The following WFDC11 variants were observed in gnomAD, a reference collection of about 807,000 sequenced individuals.
WFDC11 encodes the protein WAP four-disulfide core domain 11.
A neutral mutation model predicts 9.9 loss-of-function variants in WFDC11; 9 were observed. That is an observed-to-expected ratio of 0.91 (90% CI 0.55 to 1.58). WFDC11 has a LOEUF of 1.58. WFDC11 is among the 40% of genes most tolerant of loss of function. The pLI is 0.00. For synonymous variants in WFDC11, 32 were observed against 33.3 expected, an observed-to-expected ratio of 0.96 and a Z score of 0.13; for missense variants, 106 against 101.7, an observed-to-expected ratio of 1.04 and a Z score of -0.18.
intron 2 of WFDC11, among the ~76,000 whole-genome samples, chr20:45,659,532 A>G (rs1261633245): frequency 6.6e-6 from 1 of 152,074 alleles, no homozygotes; most frequent in African/African-American, 2.4e-5. Flanking sequence ...GTCTGTTCAT[A>G]TCCTTCGCCT....
intron 2 of WFDC11, among the ~76,000 whole-genome samples, chr20:45,659,147 A>G (rs967468779): frequency 6.6e-6 from 1 of 152,230 alleles, no homozygotes; most frequent in Admixed American, 6.5e-5. Flanking sequence ...AGTCTTTGCT[A>G]TTGTAAATAG....
intron 1 of WFDC11, 117 bp downstream of exon 1, chr20:45,670,061 C>T (rs1478109924): frequency 6.6e-6 from 1 of 151,896 alleles, no homozygotes; most frequent in Non-Finnish European, 1.5e-5. Flanking sequence ...ACTAGAAAAC[C>T]TACACAAAAT....
intron 2 of WFDC11, among the ~76,000 whole-genome samples, chr20:45,661,261 GTTGT>G (rs1157956130): frequency 2.6e-5 from 4 of 151,514 alleles, no homozygotes; most frequent in African/African-American, 4.8e-5. Flanking sequence ...TTTTTATGGG[GTTGT>G]TTGTTTTTTT....
chr20:45,655,455 GA>G (rs1305259950), intron 2 of WFDC11, among the ~76,000 whole-genome samples: 2 of 152,176 alleles, frequency 1.3e-5, no homozygotes, highest in Non-Finnish European at 2.9e-5. Context: ...AGCTATCTAT[GA>G]CAAATGCACA....
At chr20:45,663,078 A>G in intron 2 of WFDC11, among the ~76,000 whole-genome samples, 1 of 152,102 alleles carries the variant, frequency 6.6e-6, no homozygotes, top group South Asian at 2.1e-4. Context: ...TAGGCTATTA[A>G]TTATTGCCTC....
intron 2 of WFDC11, among the ~76,000 whole-genome samples, chr20:45,656,070 T>C (rs1355683724): frequency 6.6e-6 from 1 of 152,124 alleles, no homozygotes; most frequent in Non-Finnish European, 1.5e-5. Context: ...CTTCACAGAA[T>C]TGGGAAAAAC....
intron 1 of WFDC11, among the ~76,000 whole-genome samples, chr20:45,668,505 C>A (rs1568665100): frequency 6.6e-6 from 1 of 151,982 alleles, no homozygotes; most frequent in Non-Finnish European, 1.5e-5. Context: ...AAAAAGATTT[C>A]TTTTCAAGAT....
chr20:45,660,521 C>T (rs890997315), intron 2 of WFDC11, among the ~76,000 whole-genome samples: 1 of 152,092 alleles, frequency 6.6e-6, no homozygotes, highest in African/African-American at 2.4e-5. Flanking sequence ...CCCATTCACT[C>T]GTCATTTAGC....
intron 2 of WFDC11, among the ~76,000 whole-genome samples, chr20:45,659,712 G>A (rs1267066719): frequency 6.6e-6 from 1 of 152,156 alleles, no homozygotes; most frequent in African/African-American, 2.4e-5. Context: ...AAGCTCTTTA[G>A]TTTAATTAGA....
At chr20:45,657,792 AT>A (rs1236388701) in intron 2 of WFDC11, among the ~76,000 whole-genome samples, 2 of 152,214 alleles carry the variant, frequency 1.3e-5, no homozygotes, top group African/African-American at 4.8e-5. Flanking sequence ...TTATTATAAA[AT>A]AAGCTTTGTG....
intron 2 of WFDC11, among the ~76,000 whole-genome samples, chr20:45,658,870 C>A (rs955034237): frequency 6.6e-5 from 10 of 151,824 alleles, no homozygotes; most frequent in African/African-American, 2.2e-4. Context: ...ATCCCTCCCC[C>A]ACATCCCCCG....
chr20:45,668,411 T>C (rs1983229633), intron 1 of WFDC11, among the ~76,000 whole-genome samples: 1 of 152,130 alleles, frequency 6.6e-6, no homozygotes, highest in South Asian at 2.1e-4. Flanking sequence ...CTTCCCACTT[T>C]ACAATATACT....
chr20:45,650,660 C>T lies in WFDC11; in HGVS notation c.-51-9G>A. On this transcript the variant is annotated splice_polypyrimidine_tract_variant and intron_variant, in intron 2 of 4. Coordinates refer to ENST00000324384, the MANE Select transcript of WFDC11 (RefSeq NM_147197.2). Reference sequence around the variant, plus strand: ...TTTCTTCCCAGTCGCTGCTAGAGATCAAGACATATAAATAGGGAAAGAGAG... The same window carrying T: ...TTTCTTCCCAGTCGCTGCTAGAGATTAAGACATATAAATAGGGAAAGAGAG... 7.2e-7 allele frequency: 1 copy of T among 1,389,906 alleles called. No homozygotes were observed. Among genetic ancestry groups the T allele is most frequent in the South Asian group, 1.2e-5 (1 of 86,018 alleles). 86.1% of individuals were successfully genotyped at this position (1,389,906 alleles called of 1,614,324 possible). A position where few individuals can be genotyped will look rare whatever the true frequency, so the allele number is the denominator to read the frequency against.
At chr20:45,660,788 T>A (rs2145621202) in intron 2 of WFDC11, among the ~76,000 whole-genome samples, 1 of 152,346 alleles carries the variant, frequency 6.6e-6, no homozygotes, top group East Asian at 1.9e-4. Flanking sequence ...GGTGTATATG[T>A]GCCACATTTT....
At chr20:45,661,173 G>A (rs368466686) in intron 2 of WFDC11, among the ~76,000 whole-genome samples, 1 of 152,106 alleles carries the variant, frequency 6.6e-6, no homozygotes, top group African/African-American at 2.4e-5. Flanking sequence ...GCCAGTGATG[G>A]TGAGCATTTT....
intron 2 of WFDC11, among the ~76,000 whole-genome samples, chr20:45,650,942 G>A (rs1428235026): frequency 6.6e-6 from 1 of 152,092 alleles, no homozygotes; most frequent in East Asian, 1.9e-4. Flanking sequence ...TAGGTTTGGG[G>A]TACATGTGAA....
At position 45,649,333 on chromosome 20, in the gene WFDC11, G is replaced by T. The variant is rs1182450090; in HGVS notation, c.167C>A (p.Ser56Tyr). 6.2e-7 allele frequency: 1 copy of T among 1,614,094 alleles called. No homozygotes were observed. Among genetic ancestry groups the T allele is most frequent in the East Asian group, 2.2e-5 (1 of 44,884 alleles). The stretch of plus-strand genomic sequence containing the variant: ...TTTGTCTTTACATCTAAAGGCTTTA[G>T]AACACTTATTGGTACATTCTTTGAC... ...PNVKECTNKC[S>Y]KAFRCKDKNY... Residue 56 changes from serine (S) to tyrosine (Y), a missense_variant, in exon 4 of 5, where the codon TCT (serine) becomes TAT (tyrosine). Ser to Tyr is a moderately radical substitution (Grantham distance 144). Transcript: ENST00000324384.
intron 2 of WFDC11, among the ~76,000 whole-genome samples, chr20:45,665,858 A>G (rs774488984): frequency 2.6e-5 from 4 of 152,190 alleles, no homozygotes; most frequent in Admixed American, 1.3e-4. Flanking sequence ...AGTGACTCCC[A>G]GTTAGGCTAC....
At chr20:45,668,980 T>C (rs905720834) in intron 1 of WFDC11, among the ~76,000 whole-genome samples, 1 of 152,190 alleles carries the variant, frequency 6.6e-6, no homozygotes, top group African/African-American at 2.4e-5. Context: ...TCTCTCTTCA[T>C]AATGTTTAGG....
Sources: gnomAD v4.1 joint callset for allele counts (sites outside exome capture counted in the v4.1 genomes callset) on GRCh38, gnomAD v4.1.1 for gene constraint, MANE v1.5 for transcripts, NCBI Gene and HGNC (gene_info 2026-07-23, HGNC 2026-07-21) for gene names.